Variants in ARHGEF6 observed in about 807,000 individuals in gnomAD.
ARHGEF6 encodes the protein Rac/Cdc42 guanine nucleotide exchange factor 6, also known as rho guanine nucleotide exchange factor 6.
Under a neutral mutation model 70.3 loss-of-function variants are expected in ARHGEF6, and 9 were observed. The observed-to-expected ratio is 0.13, with a 90% CI of 0.08 to 0.22. The LOEUF is 0.22. ARHGEF6 is among the 10% of genes least tolerant of loss of function. The pLI is 1.00. For synonymous variants in ARHGEF6, 201 were observed against 207.8 expected, an observed-to-expected ratio of 0.97 and a Z score of 0.28; for missense variants, 470 against 563.0, an observed-to-expected ratio of 0.83 and a Z score of 1.67.
chrX:136,688,027 G>A (rs1181909205), intron 10 of ARHGEF6, 36 bp from the exon 11 acceptor site: 4 of 1,107,335 alleles, frequency 3.6e-6, no homozygotes, highest in East Asian at 6.0e-5. Context: ...AATGTTAGAG[G>A]AGAGAGGATC....
chrX:136,723,547 G>T (rs1044234880), intron 6 of ARHGEF6, among the ~76,000 whole-genome samples: 47 of 111,858 alleles, frequency 4.2e-4, no homozygotes, highest in Admixed American at 2.5e-3. Flanking sequence ...GAAATGGAGA[G>T]AAATGCACTA....
At chrX:136,727,088 C>T (rs953219419) in intron 6 of ARHGEF6, among the ~76,000 whole-genome samples, 4 of 111,952 alleles carry the variant, frequency 3.6e-5, no homozygotes, top group South Asian at 3.7e-4. Flanking sequence ...GTCTAACTTC[C>T]GACCTTCCTC....
At chrX:136,690,535 G>A in intron 10 of ARHGEF6, 75 bp downstream of exon 10, 1 of 1,154,095 alleles carries the variant, frequency 8.7e-7, no homozygotes, top group Non-Finnish European at 1.2e-6. Flanking sequence ...CCATTTTGGA[G>A]GCAAATTGGC....
chrX:136,680,703 C>T (rs909970071), intron 15 of ARHGEF6, 28 bp downstream of exon 15: 2 of 1,209,324 alleles, frequency 1.7e-6, no homozygotes, highest in Admixed American at 4.3e-5. Context: ...ACTCAATAAT[C>T]TCTGGACAGA....
At chrX:136,731,978 T>C in intron 6 of ARHGEF6, 124 bp downstream of exon 6, 1 of 522,701 alleles carries the variant, frequency 1.9e-6, no homozygotes, top group Non-Finnish European at 3.3e-6. Flanking sequence ...CGAATGGCAT[T>C]AGACTCATGC....
intron 4 of ARHGEF6, among the ~76,000 whole-genome samples, chrX:136,744,499 TA>T (rs991928240): frequency 8.9e-6 from 1 of 111,803 alleles, no homozygotes; most frequent in Non-Finnish European, 1.9e-5. Flanking sequence ...TGGGCTTTTG[TA>T]TACAATTTGA....
At chrX:136,701,410 A>T (rs934607133) in intron 9 of ARHGEF6, among the ~76,000 whole-genome samples, 1 of 112,076 alleles carries the variant, frequency 8.9e-6, no homozygotes, top group Non-Finnish European at 1.9e-5. Context: ...TAGAGGAACA[A>T]GGATAAGAAT....
chrX:136,720,374 A>G (rs2076782609), intron 6 of ARHGEF6, among the ~76,000 whole-genome samples: 1 of 111,964 alleles, frequency 8.9e-6, no homozygotes, highest in African/African-American at 3.2e-5. Flanking sequence ...AACAGGCTAG[A>G]GAAGGAAAAT....
At chrX:136,725,424 T>C (rs1487926390) in intron 6 of ARHGEF6, among the ~76,000 whole-genome samples, 7 of 105,129 alleles carry the variant, frequency 6.7e-5, no homozygotes, top group African/African-American at 2.4e-4. Flanking sequence ...CTTGCTGTGG[T>C]TGGATGAGCA....
At chrX:136,718,925 G>T (rs2076766397) in intron 6 of ARHGEF6, among the ~76,000 whole-genome samples, 1 of 102,381 alleles carries the variant, frequency 9.8e-6, no homozygotes, top group East Asian at 3.1e-4. Flanking sequence ...AACTATTGTT[G>T]TAAACTATAG....
chrX:136,690,730 G>T lies in ARHGEF6; in HGVS notation c.1065C>A (p.Phe355Leu), dbSNP rs747044748. The change falls in exon 10 of 22, where the codon TTC (phenylalanine) becomes TTA (leucine). Residue 355 changes from phenylalanine (F) to leucine (L), a missense_variant. Around this residue, in one of 3 missense-constraint regions of ARHGEF6, gnomAD observed 379 missense variants for 449.3 expected, o/e 0.84. Coordinates refer to ENST00000250617, the MANE Select transcript of ARHGEF6 (RefSeq NM_004840.3). ...LTQHSDELEQ[F>L]MENQGASSPG... is the part of the protein sequence containing the mutation. Reference sequence around the variant, plus strand: ...GGCTCGATGCACCTTGATTTTCCATGAATTGTTCCAACTCATCACTAGCAA... The same window carrying T: ...GGCTCGATGCACCTTGATTTTCCATTAATTGTTCCAACTCATCACTAGCAA... 11 of 1,209,132 alleles carry T rather than the reference G, an allele frequency of 9.1e-6. No individual in the cohort carries two copies.
intron 1 of ARHGEF6, 57 bp downstream of exon 1, chrX:136,780,661 C>G: frequency 1.9e-6 from 2 of 1,069,970 alleles, no homozygotes; most frequent in Non-Finnish European, 2.6e-6. Flanking sequence ...TCAAGAGTTA[C>G]ATGATTGCTG....
At chrX:136,764,056 TG>T (rs1443120946) in intron 2 of ARHGEF6, among the ~76,000 whole-genome samples, 11 of 111,213 alleles carry the variant, frequency 9.9e-5, no homozygotes, top group Admixed American at 9.5e-4. Context: ...TCCTTCTGTA[TG>T]GTTCTCAGCT....
chrX:136,690,074 C>T (rs2076443408), intron 10 of ARHGEF6, among the ~76,000 whole-genome samples: 1 of 112,100 alleles, frequency 8.9e-6, no homozygotes, highest in Non-Finnish European at 1.9e-5. Flanking sequence ...AGAGATACCA[C>T]TAATATTGTA....
At chrX:136,730,476 C>G (rs1435606890) in intron 6 of ARHGEF6, among the ~76,000 whole-genome samples, 1 of 110,854 alleles carries the variant, frequency 9.0e-6, no homozygotes, top group Non-Finnish European at 1.9e-5. Flanking sequence ...TCCAGCTGGC[C>G]AATAATTAAG....
chrX:136,672,183 G>A (rs1029373567), intron 19 of ARHGEF6, 64 bp from the exon 20 acceptor site: 4 of 855,490 alleles, frequency 4.7e-6, no homozygotes, highest in Non-Finnish European at 7.0e-6. Flanking sequence ...AGAAATAGTG[G>A]GTGTTAGTTC....
chrX:136,679,435 C>G, intron 16 of ARHGEF6, 100 bp downstream of exon 16: 3 of 1,002,265 alleles, frequency 3.0e-6, no homozygotes, highest in Non-Finnish European at 4.2e-6. Flanking sequence ...TCACATAATA[C>G]CATCTATCTT....
chrX:136,693,466 ATAT>A (rs1349511744), intron 9 of ARHGEF6, among the ~76,000 whole-genome samples: 2 of 112,187 alleles, frequency 1.8e-5, no homozygotes, highest in African/African-American at 6.5e-5. Flanking sequence ...ACATAAATAT[ATAT>A]TGTTATACCA....
intron 2 of ARHGEF6, 87 bp from the exon 3 acceptor site, chrX:136,747,679 C>A: frequency 1.6e-5 from 5 of 307,857 alleles, no homozygotes; most frequent in Non-Finnish European, 2.7e-5. Context: ...TCCTCCAGCT[C>A]TCCGGAAAAA....
Sources: gnomAD v4.1 joint callset for allele counts (sites outside exome capture counted in the v4.1 genomes callset) on GRCh38, gnomAD v4.1.1 for gene constraint, gnomAD v4.1.1 regional missense constraint, MANE v1.5 for transcripts, NCBI Gene and HGNC (gene_info 2026-07-23, HGNC 2026-07-21) for gene names.